TAFA2: variants seen among roughly 807,000 people sequenced by gnomAD.
The protein encoded by TAFA2 is chemokine-like protein TAFA-2.
Under a neutral mutation model 18.8 loss-of-function variants are expected in TAFA2, and 7 were observed. The ratio of observed to expected loss-of-function variants is 0.37; its 90% CI spans 0.21 to 0.70. The LOEUF (loss-of-function observed/expected upper bound fraction) is 0.70. Among genes scored for constraint, TAFA2 ranks in the 30% least tolerant of loss-of-function variants. The probability of loss-of-function intolerance (pLI) is 0.53; values close to 1 mark genes in which losing one functional copy is unlikely to be tolerated. For synonymous variants in TAFA2, 60 were observed against 54.2 expected (o/e 1.11, Z -0.47); for missense variants, 122 against 158.1 (o/e 0.77, Z 1.23).
At chr12:61,824,508 C>A (rs1872459595) in intron 2 of TAFA2, among the ~76,000 whole-genome samples, 1 of 152,032 alleles carries the variant, frequency 6.6e-6, no homozygotes, top group East Asian at 1.9e-4. Flanking sequence ...ATCATACTGA[C>A]CCATTTTTAT....
At chr12:61,769,388 G>T (rs1273511981) in intron 2 of TAFA2, among the ~76,000 whole-genome samples, 1 of 151,824 alleles carries the variant, frequency 6.6e-6, no homozygotes, top group Non-Finnish European at 1.5e-5. Context: ...TACCACAGCT[G>T]ATGCTCTCTT....
At chr12:62,158,393 A>G (rs7975041) in intron 1 of TAFA2, among the ~76,000 whole-genome samples, 148,332 of 152,306 alleles carry the variant, frequency 0.97, 72,335 homozygotes, top group Middle Eastern at 1. Context: ...ACTAGTCTAA[A>G]AGGGAGAGAG....
At chr12:62,114,582 GGTCAT>G (rs948611702) in intron 1 of TAFA2, among the ~76,000 whole-genome samples, 3 of 152,052 alleles carry the variant, frequency 2.0e-5, no homozygotes, top group African/African-American at 7.2e-5. Context: ...TTATATCATG[GGTCAT>G]GTTGCTAAAA....
chr12:62,051,279 C>A (rs184238373), intron 1 of TAFA2, among the ~76,000 whole-genome samples: 271 of 152,268 alleles, frequency 1.8e-3, no homozygotes, highest in African/African-American at 6.1e-3. Flanking sequence ...CTGCCTGCTT[C>A]ATGCAAAAGG....
intron 2 of TAFA2, among the ~76,000 whole-genome samples, chr12:61,818,166 T>A (rs1224577725): frequency 1.3e-5 from 2 of 152,176 alleles, no homozygotes; most frequent in African/African-American, 2.4e-5. Context: ...CTCTTTACCC[T>A]CCTTACTCTT....
Position 61,915,241 on chromosome 12 carries a change from T to C in TAFA2, c.-1-47815A>G, listed in dbSNP as rs77431779. ...TTGTAACTTTCTTTACAATTCTCTT[T>C]CGATTAATAGAGTTTAAGGTTTGGA... On this transcript the variant is annotated intron_variant, in intron 1 of 4. Transcript: ENST00000416284. Among the ~76,000 whole-genome samples, 378 of 152,328 alleles carry C rather than the reference T, an allele frequency of 2.5e-3. 3 individuals are homozygous for C. Among genetic ancestry groups the C allele is most frequent in the Admixed American group, 3.9e-3 (60 of 15,298 alleles).
At chr12:62,238,550 C>T (rs1159079932) in intron 1 of TAFA2, among the ~76,000 whole-genome samples, 1 of 152,192 alleles carries the variant, frequency 6.6e-6, no homozygotes, top group Admixed American at 6.5e-5. Flanking sequence ...AAATCTGAGG[C>T]TTGGAGAGAT....
chr12:61,744,770 T>C (rs1023083549), intron 4 of TAFA2, among the ~76,000 whole-genome samples: 3 of 151,950 alleles, frequency 2.0e-5, no homozygotes, highest in Non-Finnish European at 4.4e-5. Flanking sequence ...ATGTTGGTCT[T>C]TAACTCTTGG....
chr12:62,014,290 G>A (rs1440380717), intron 1 of TAFA2, among the ~76,000 whole-genome samples: 1 of 152,170 alleles, frequency 6.6e-6, no homozygotes, highest in East Asian at 1.9e-4. Context: ...TTTAACCAGT[G>A]TTGCTGCATA....
At chr12:61,969,869 A>C (rs1041885346) in intron 1 of TAFA2, among the ~76,000 whole-genome samples, 1 of 151,708 alleles carries the variant, frequency 6.6e-6, no homozygotes, top group African/African-American at 2.4e-5. Context: ...AGGCAGAGAT[A>C]TACAAAAAAG....
At chr12:61,969,270 G>T (rs563529256) in intron 1 of TAFA2, among the ~76,000 whole-genome samples, 1 of 151,492 alleles carries the variant, frequency 6.6e-6, no homozygotes, top group African/African-American at 2.4e-5. Flanking sequence ...GTTAAAAAAC[G>T]ATTGTTTTAA....
rs201733431 is a variant in TAFA2, at chr12:61,998,061, AT to A, written c.-1-130636del. Among the ~76,000 whole-genome samples the A allele has an allele frequency of 8.6e-3, 1,304 of 152,214 alleles. 19 individuals carry two copies. The highest frequency in any genetic ancestry group is 0.029 in the African/African-American group (1,225 of 41,544). ...TTACACAGTCAGGAGGGAAAAGAAA[AT>A]CCTAGATACACTGCTCTAAAGATTA... On this transcript the variant is annotated intron_variant, in intron 1 of 4. Transcript: ENST00000416284.
intron 1 of TAFA2, among the ~76,000 whole-genome samples, chr12:61,958,221 G>C (rs1229316304): frequency 6.6e-6 from 1 of 151,982 alleles, no homozygotes; most frequent in Non-Finnish European, 1.5e-5. Flanking sequence ...ATCCCTCCAA[G>C]ATATCCAGTA....
rs558319190 is a variant in TAFA2, at chr12:61,997,962, C to A, written c.-1-130536G>T. Among the ~76,000 whole-genome samples the A allele has an allele frequency of 3.3e-5, 5 of 152,112 alleles. No homozygotes were observed. In the South Asian group the frequency reaches 8.3e-4, roughly 25 times the overall value. On this transcript the variant is annotated intron_variant, in intron 1 of 4. Transcript: ENST00000416284. ...AAAAATGGAGACTAATTTCTATGCA[C>A]CTATTTTTAAGAAAATAACTTAGAT...
rs868042651 is a variant in TAFA2 at position 62,234,732 on chromosome 12, G to A, written c.-130+24031C>T. On this transcript the variant is annotated intron_variant, in intron 1 of 5. Coordinates refer to the TAFA2 transcript ENST00000551619. ...TGCCTCTGAGGAGCCCCGTCTACCA[G>A]TCCTTTCCTGAGGCCTGGAGTTCTG... is the stretch of plus-strand genomic sequence containing the variant. 81 of 1,109,112 alleles carry A rather than the reference G, an allele frequency of 7.3e-5. No individual in the cohort carries two copies. The Middle Eastern group carries it at 1.4e-3, about 19-fold the overall frequency. The allele number at this position is 1,109,112 out of a possible 1,614,324, so 68.7% of individuals were successfully genotyped here. A position where few individuals can be genotyped will look rare whatever the true frequency, so the allele number is the denominator to read the frequency against.
At chr12:61,728,675 C>A (rs566902285) in intron 4 of TAFA2, among the ~76,000 whole-genome samples, 77 of 149,148 alleles carry the variant, frequency 5.2e-4, no homozygotes, top group Non-Finnish European at 9.3e-4. Context: ...TGACTTCTAT[C>A]CATTCTGCCA....
chr12:62,150,342 G>T (rs1245435), intron 1 of TAFA2, among the ~76,000 whole-genome samples: 146,367 of 152,290 alleles, frequency 0.96, 70,602 homozygotes, highest in East Asian at 1. Context: ...TATGGTATTA[G>T]ATACAAGTAA....
chr12:62,106,467 G>A (rs992806873), intron 1 of TAFA2, among the ~76,000 whole-genome samples: 1 of 152,202 alleles, frequency 6.6e-6, no homozygotes, highest in Non-Finnish European at 1.5e-5. Flanking sequence ...AAGTTAACTG[G>A]TTTGGGGTTT....
intron 1 of TAFA2, among the ~76,000 whole-genome samples, chr12:62,168,550 T>G (rs1338318306): frequency 6.6e-6 from 1 of 152,166 alleles, no homozygotes; most frequent in East Asian, 1.9e-4. Context: ...AACAGTTATT[T>G]AAGGCCAGGT....
Sources: allele counts gnomAD v4.1 joint callset (sites outside exome capture counted in the v4.1 genomes callset), GRCh38; gene constraint gnomAD v4.1.1; transcripts MANE v1.5; gene names NCBI Gene and HGNC (gene_info 2026-07-23, HGNC 2026-07-21).